Variants in SLC44A3 observed in about 807,000 individuals in gnomAD.
SLC44A3 encodes solute carrier family 44 member 3.
In SLC44A3, 74 loss-of-function variants were observed where a neutral mutation model predicts 75.4. The observed-to-expected ratio is 0.98, with a 90% CI of 0.81 to 1.19. SLC44A3 has a LOEUF of 1.19. SLC44A3 is among the 50% of genes most tolerant of loss of function. The pLI, the probability that SLC44A3 is intolerant of heterozygous loss-of-function variation, is 0.00. For synonymous variants in SLC44A3, 310 were observed against 296.9 expected (o/e 1.04, Z -0.45); for missense variants, 700 against 778.6 (o/e 0.90, Z 1.20).
chr1:94,834,843 G>A (rs1227570985), intron 5 of SLC44A3, among the ~76,000 whole-genome samples: 2 of 152,158 alleles, frequency 1.3e-5, no homozygotes, highest in Non-Finnish European at 1.5e-5. Context: ...CTTTGAGAGT[G>A]GGCTAGGCTT....
intron 4 of SLC44A3, 112 bp from the exon 5 acceptor site, chr1:94,828,381 C>T (rs749853879): frequency 3.7e-6 from 3 of 807,154 alleles, no homozygotes; most frequent in Non-Finnish European, 6.1e-6. Context: ...GTTTCTGTCA[C>T]CCATAGACCT....
chr1:94,869,275 C>T (rs1291839714), intron 12 of SLC44A3, among the ~76,000 whole-genome samples: 1 of 152,172 alleles, frequency 6.6e-6, no homozygotes, highest in East Asian at 1.9e-4. Context: ...TAATGTTAAC[C>T]ACACCTTAAT....
intron 12 of SLC44A3, among the ~76,000 whole-genome samples, chr1:94,875,340 T>C (rs538583624): frequency 1.3e-5 from 2 of 152,302 alleles, no homozygotes; most frequent in East Asian, 3.9e-4. Context: ...AGGGCACTCC[T>C]TCCACAGGGT....
intron 6 of SLC44A3, chr1:94,838,829 T>G (rs1663171651): frequency 6.6e-6 from 1 of 152,258 alleles, no homozygotes; most frequent in African/African-American, 2.4e-5. Context: ...ATTCCTGATA[T>G]CTTATATAAT....
rs534530995 is a variant in SLC44A3 at position 94,821,015 on chromosome 1, A to G, written c.94A>G (p.Thr32Ala). 6.4e-7 allele frequency: 1 copy of G among 1,551,584 alleles called. No homozygotes were observed. Among genetic ancestry groups the G allele is most frequent in the Non-Finnish European group, 8.7e-7 (1 of 1,146,908 alleles). The change falls in exon 2 of 15, where the codon ACG becomes GCG. Residue 32 changes from threonine (T) to alanine (A), a missense_variant. Thr to Ala is a moderately conservative substitution (Grantham distance 58). Coordinates refer to ENST00000271227, the MANE Select transcript of SLC44A3 (RefSeq NM_001114106.3). ...RPQIYRKCTD[T>A]AWLFLFFLFW... ...CCAGATTTATAGGAAATGCACAGAT[A>G]CGGCATGGTTATTCCTGTTCTTTCT...
At position 94,845,448 on chromosome 1, in the gene SLC44A3, G is replaced by A. The variant is rs765630358; in HGVS notation, c.1056G>A (p.Leu352=). 3 of 1,611,986 alleles carry A rather than the reference G, an allele frequency of 1.9e-6. No individual in the cohort carries two copies. Among genetic ancestry groups the A allele is most frequent in the South Asian group, 1.1e-5 (1 of 90,960 alleles). Reference sequence around the variant, plus strand: ...GGGTCCTCTGGGTGGCTGTGCTGCTGAGCCTGGGAACTGCAGGTAAGGGAC... The same window carrying A: ...GGGTCCTCTGGGTGGCTGTGCTGCTAAGCCTGGGAACTGCAGGTAAGGGAC... The part of the protein sequence containing the change: ...FFWVLWVAVL[L]SLGTAGAAQV... Residue 352 remains leucine (L), a synonymous_variant, in exon 9 of 15, where the codon CTG becomes CTA. Coordinates refer to ENST00000271227, the MANE Select transcript of SLC44A3 (RefSeq NM_001114106.3).
chr1:94,864,798 T>G lies in SLC44A3; in HGVS notation c.1294T>G (p.Phe432Val). Residue 432 changes from phenylalanine to valine, a missense_variant, in exon 11 of 15, where the codon TTC becomes GTC. Physicochemically the swap from Phe to Val is conservative, Grantham distance 50. Coordinates refer to ENST00000271227, the MANE Select transcript of SLC44A3 (RefSeq NM_001114106.3). ...PILSSLSILF[F>V]YHQGTVVKGS... Reference sequence around the variant, plus strand: ...CCTTTCGTCTCTCTCCATTCTCTTCTTCTACCATCAAGGAACCGTTGTGAA... The same window carrying G: ...CCTTTCGTCTCTCTCCATTCTCTTCGTCTACCATCAAGGAACCGTTGTGAA... 6.2e-7 allele frequency: 1 copy of G among 1,614,076 alleles called. No individual in the cohort carries two copies. The highest frequency in any genetic ancestry group is 8.5e-7 in the Non-Finnish European group (1 of 1,179,940).
chr1:94,837,638 A>G, intron 5 of SLC44A3, 73 bp from the exon 6 acceptor site: 1 of 1,429,466 alleles, frequency 7.0e-7, no homozygotes, highest in South Asian at 1.5e-5. Context: ...GGTTATTGAG[A>G]ATGTTAAATA....
chr1:94,852,462 G>A (rs947764082), intron 9 of SLC44A3, among the ~76,000 whole-genome samples: 1 of 152,318 alleles, frequency 6.6e-6, no homozygotes, highest in African/African-American at 2.4e-5. Flanking sequence ...CTAGGGCACA[G>A]CAAGGGAAGC....
intron 5 of SLC44A3, among the ~76,000 whole-genome samples, chr1:94,830,197 C>A (rs1661935705): frequency 6.6e-6 from 1 of 151,976 alleles, no homozygotes; most frequent in African/African-American, 2.4e-5. Context: ...GAGGAGAATA[C>A]CCATTTCATT....
At chr1:94,847,987 G>C (rs1227438772) in intron 9 of SLC44A3, among the ~76,000 whole-genome samples, 4 of 152,142 alleles carry the variant, frequency 2.6e-5, no homozygotes, top group Non-Finnish European at 5.9e-5. Context: ...CCAGCACTTT[G>C]GGAGGCCAAG....
Position 94,888,833 on chromosome 1 carries a change from G to A in SLC44A3, c.1483-2297G>A, listed in dbSNP as rs112282426. ...CAACCTCTGCTTCCCGGGTTCAAGCGTTTCTCCTGCCTCAGCCTTCCCAGT... is the reference window on the plus strand; with the variant it reads ...CAACCTCTGCTTCCCGGGTTCAAGCATTTCTCCTGCCTCAGCCTTCCCAGT... On this transcript the variant is annotated intron_variant, in intron 12 of 14. Coordinates refer to ENST00000271227, the MANE Select transcript of SLC44A3 (RefSeq NM_001114106.3). 3.9e-3 allele frequency: 1,710 copies of A among 441,638 alleles called. 16 individuals carry two copies. The highest frequency in any genetic ancestry group is 0.035 in the African/African-American group (1,579 of 45,718). The allele number at this position is 441,638 out of a possible 1,614,324, so 27.4% of individuals were successfully genotyped here. A position where few individuals can be genotyped will look rare whatever the true frequency, so the allele number is the denominator to read the frequency against.
At chr1:94,830,986 A>C (rs1662048287) in intron 5 of SLC44A3, among the ~76,000 whole-genome samples, 1 of 152,238 alleles carries the variant, frequency 6.6e-6, no homozygotes, top group African/African-American at 2.4e-5. Context: ...AAACTGATGC[A>C]GAGAGGTTTA....
At chr1:94,876,770 C>T (rs968686826) in intron 12 of SLC44A3, among the ~76,000 whole-genome samples, 1 of 152,190 alleles carries the variant, frequency 6.6e-6, no homozygotes, top group Non-Finnish European at 1.5e-5. Context: ...TGTCTCTCAA[C>T]CTGATTTCTA....
chr1:94,863,790 C>A (rs1571344613), intron 10 of SLC44A3, among the ~76,000 whole-genome samples: 2 of 152,180 alleles, frequency 1.3e-5, no homozygotes, highest in Non-Finnish European at 2.9e-5. Flanking sequence ...CAGCAAAATG[C>A]AGCCATTGCC....
intron 5 of SLC44A3, among the ~76,000 whole-genome samples, chr1:94,834,938 G>A (rs1397292525): frequency 2.0e-5 from 3 of 152,146 alleles, no homozygotes; most frequent in South Asian, 4.1e-4. Context: ...ACCTTAACTA[G>A]GTGATCAAGG....
At chr1:94,887,674 A>G (rs941625772) in intron 12 of SLC44A3, among the ~76,000 whole-genome samples, 1 of 152,164 alleles carries the variant, frequency 6.6e-6, no homozygotes, top group Non-Finnish European at 1.5e-5. Flanking sequence ...CCCCACAAAA[A>G]CAGTGCTTCC....
intron 10 of SLC44A3, among the ~76,000 whole-genome samples, chr1:94,863,032 T>C (rs574399823): frequency 2.0e-5 from 3 of 152,238 alleles, no homozygotes; most frequent in African/African-American, 4.8e-5. Flanking sequence ...AGTCTGAGAC[T>C]AGGTGGGGGC....
intron 12 of SLC44A3, among the ~76,000 whole-genome samples, chr1:94,879,218 A>C (rs868745711): frequency 1.3e-3 from 201 of 151,720 alleles, no homozygotes; most frequent in Middle Eastern, 3.4e-3. Context: ...CAACTACAAA[A>C]AAAAAAAACC....
Sources: gnomAD v4.1 joint callset for allele counts (sites outside exome capture counted in the v4.1 genomes callset) on GRCh38, gnomAD v4.1.1 for gene constraint, MANE v1.5 for transcripts, NCBI Gene and HGNC (gene_info 2026-07-23, HGNC 2026-07-21) for gene names.